The following URI1 variants were observed in gnomAD, a reference collection of about 807,000 sequenced individuals.
URI1 encodes the protein URI1 prefoldin like chaperone.
In URI1, 39 loss-of-function variants were observed where a neutral mutation model predicts 60.2. That is an observed-to-expected ratio of 0.65 (90% CI 0.50 to 0.85). The LOEUF (loss-of-function observed/expected upper bound fraction) is 0.85. Ranked by LOEUF, URI1 falls within the 40% of genes least tolerant of loss-of-function variation. URI1 has a pLI of 0.00. For missense variants in URI1, 691 were observed against 665.9 expected (o/e 1.04, Z -0.42); for synonymous variants, 251 against 236.8 (o/e 1.06, Z -0.55).
chr19:30,013,838 G>A (rs1479972224), intron 10 of URI1, among the ~76,000 whole-genome samples: 1 of 152,102 alleles, frequency 6.6e-6, no homozygotes, highest in Non-Finnish European at 1.5e-5. Flanking sequence ...TAAGCTTTAA[G>A]CTGCTTTTAC....
intron 7 of URI1, among the ~76,000 whole-genome samples, chr19:30,007,951 A>G (rs2055966208): frequency 6.6e-6 from 1 of 152,066 alleles, no homozygotes; most frequent in Non-Finnish European, 1.5e-5. Context: ...ATAATCATGG[A>G]TTTAATATAT....
chr19:29,980,587 G>C (rs381837), intron 2 of URI1, among the ~76,000 whole-genome samples: 1 of 111,468 alleles, frequency 9.0e-6, no homozygotes, highest in South Asian at 3.2e-4. Context: ...TAGAGGAAAA[G>C]AGAGTGATAG....
chr19:30,002,012 G>A (rs2055884805), intron 4 of URI1, among the ~76,000 whole-genome samples: 1 of 151,958 alleles, frequency 6.6e-6, no homozygotes, highest in East Asian at 1.9e-4. Flanking sequence ...TCCTGTTGAA[G>A]CTGTCGAAAG....
rs1320004972 is a variant in URI1, at chr19:29,942,283, A to C, written c.-265A>C. 2.0e-6 allele frequency: 2 copies of C among 984,920 alleles called. No homozygotes were observed. Among genetic ancestry groups the C allele is most frequent in the South Asian group, 4.6e-5 (1 of 21,942 alleles). The allele number at this position is 984,920 out of a possible 1,614,324, so 61.0% of individuals were successfully genotyped here. A position where few individuals can be genotyped will look rare whatever the true frequency, so the allele number is the denominator to read the frequency against. On this transcript the variant is annotated 5_prime_UTR_variant, in exon 1 of 11. Coordinates refer to ENST00000392271, the MANE Select transcript of URI1 (RefSeq NM_003796.3). ...CCACGCGACGCCTGGCTGGGCCCGC[A>C]CCGGAGAGGCGTCTCGGTACCTGGC...
chr19:29,942,158 T>TG, upstream of URI1: 3 of 962,574 alleles, frequency 3.1e-6, no homozygotes, highest in Non-Finnish European at 3.7e-6. Flanking sequence ...CGCACTCCCC[T>TG]GGGGGCGGGG....
At position 29,955,990 on chromosome 19, in the gene URI1, T is replaced by A. The variant is rs1019690889; in HGVS notation, c.117+13326T>A. Reference sequence around the variant, plus strand: ...TATTTCCCAGAGTAGTCTTTTTTTTTTTTTATTTTTTGAGATGGAGTTTCG... The same window carrying A: ...TATTTCCCAGAGTAGTCTTTTTTTTATTTTATTTTTTGAGATGGAGTTTCG... On this transcript the variant is annotated intron_variant, in intron 1 of 10. Transcript: ENST00000392271. Among the ~76,000 whole-genome samples the A allele has an allele frequency of 4.6e-5, 7 of 152,038 alleles. 1 individual carries two copies. The South Asian group carries it at 1.0e-3, about 23-fold the overall frequency.
intron 4 of URI1, among the ~76,000 whole-genome samples, chr19:30,003,809 T>C (rs2055906117): frequency 6.6e-6 from 1 of 152,104 alleles, no homozygotes; most frequent in African/African-American, 2.4e-5. Flanking sequence ...CCATTTTTAA[T>C]ATTTTCCAGT....
At chr19:29,947,111 A>G (rs1006237878) in intron 1 of URI1, among the ~76,000 whole-genome samples, 1 of 152,180 alleles carries the variant, frequency 6.6e-6, no homozygotes, top group African/African-American at 2.4e-5. Flanking sequence ...TATATGGAGG[A>G]TATTTTAGAG....
intron 8 of URI1, among the ~76,000 whole-genome samples, chr19:30,009,907 A>G (rs2055996435): frequency 1.3e-5 from 2 of 152,192 alleles, no homozygotes. Flanking sequence ...TTTCTAATAC[A>G]GAGTTTTAAA....
Position 30,012,368 on chromosome 19 carries a change from G to C in URI1, c.1262G>C (p.Ser421Thr). The C allele has an allele frequency of 6.2e-7, 1 of 1,614,192 alleles. No individual in the cohort carries two copies. Among genetic ancestry groups the C allele is most frequent in the Non-Finnish European group, 8.5e-7 (1 of 1,180,028 alleles). Residue 421 changes from serine to threonine, a missense_variant, in exon 10 of 11, where the codon AGC becomes ACC. Ser to Thr is a moderately conservative substitution (Grantham distance 58). Transcript: ENST00000392271. The part of the protein sequence containing the change: ...KSRSRENSVC[S>T]DTSESSAAEF... ...CGAAGTAGAGAGAATAGTGTGTGTAGCGACACTAGTGAAAGCAGTGCTGCT... is the reference window on the plus strand; with the variant it reads ...CGAAGTAGAGAGAATAGTGTGTGTACCGACACTAGTGAAAGCAGTGCTGCT...
intron 4 of URI1, among the ~76,000 whole-genome samples, chr19:30,003,031 A>C (rs1198248361): frequency 2.0e-5 from 3 of 151,978 alleles, no homozygotes; most frequent in Non-Finnish European, 4.4e-5. Flanking sequence ...AGAGTACAAA[A>C]GCTTTAGTGA....
Position 30,015,227 on chromosome 19 carries a change from T to C in URI1, c.*158T>C. On this transcript the variant is annotated 3_prime_UTR_variant, in exon 11 of 11. Coordinates refer to ENST00000392271, the MANE Select transcript of URI1 (RefSeq NM_003796.3). ...CCTTACCCGTGGTATTTGAAAAAAA[T>C]CAAGGTAACTGTCTGAATACTTTAA... 7.0e-7 allele frequency: 1 copy of C among 1,421,204 alleles called. No individual in the cohort carries two copies. Among genetic ancestry groups the C allele is most frequent in the Non-Finnish European group, 9.2e-7 (1 of 1,091,394 alleles). 88.0% of individuals were successfully genotyped at this position (1,421,204 alleles called of 1,614,324 possible).
At chr19:29,926,482 AT>A (rs2054869441) in intron 1 of URI1, among the ~76,000 whole-genome samples, 1 of 152,150 alleles carries the variant, frequency 6.6e-6, no homozygotes, top group East Asian at 1.9e-4. Flanking sequence ...AGGTCTCACT[AT>A]GTTGCCCAGA....
In URI1 at chr19:30,005,689, A is replaced by G. The variant is rs1479341365; in HGVS notation, c.498A>G (p.Lys166=). ...GDIVDIREEI[K]CDFEFKAKHR... ...TTGTTGACATACGAGAAGAAATTAAATGTGACTTCGAATTTAAAGGTAAGC... is the reference window on the plus strand; with the variant it reads ...TTGTTGACATACGAGAAGAAATTAAGTGTGACTTCGAATTTAAAGGTAAGC... Residue 166 remains lysine, a synonymous_variant, in exon 6 of 11, where the codon AAA becomes AAG. Coordinates refer to ENST00000392271, the MANE Select transcript of URI1 (RefSeq NM_003796.3). 6.2e-7 allele frequency: 1 copy of G among 1,611,974 alleles called. No individual in the cohort carries two copies. The highest frequency in any genetic ancestry group is 2.2e-5 in the East Asian group (1 of 44,734).
chr19:29,934,714 T>TTTTA (rs566090077), intron 1 of URI1, among the ~76,000 whole-genome samples: 45 of 152,134 alleles, frequency 3.0e-4, no homozygotes, highest in East Asian at 1.5e-3. Context: ...TTTTTTTTAA[T>TTTTA]TTTATTTATT....
chr19:29,985,385 G>A, intron 3 of URI1, 84 bp downstream of exon 3: 2 of 1,165,208 alleles, frequency 1.7e-6, no homozygotes, highest in Non-Finnish European at 2.5e-6. Context: ...ATGTCAGGCT[G>A]ATGGACTGTG....
intron 1 of URI1, chr19:29,956,781 C>T (rs140500551): frequency 2.8e-5 from 44 of 1,598,858 alleles, no homozygotes; most frequent in African/African-American, 4.0e-5. Flanking sequence ...ATAGTCCGAA[C>T]GGTAGCCAGT....
chr19:29,951,570 G>C, intron 1 of URI1, among the ~76,000 whole-genome samples: 1 of 147,672 alleles, frequency 6.8e-6, no homozygotes, highest in Non-Finnish European at 1.5e-5. Flanking sequence ...TTTTTTTTGA[G>C]ACAGAGTTTC....
chr19:29,991,935 G>A (rs150448893), intron 4 of URI1, among the ~76,000 whole-genome samples: 14 of 152,096 alleles, frequency 9.2e-5, no homozygotes, highest in Non-Finnish European at 1.6e-4. Context: ...TGGATGAACC[G>A]CATTTGATCA....
Sources: gnomAD v4.1 joint callset for allele counts (sites outside exome capture counted in the v4.1 genomes callset) on GRCh38, gnomAD v4.1.1 for gene constraint, MANE v1.5 for transcripts, NCBI Gene and HGNC (gene_info 2026-07-23, HGNC 2026-07-21) for gene names.